The following DCBLD2 variants were observed in gnomAD, a reference collection of about 807,000 sequenced individuals.
DCBLD2 encodes discoidin, CUB and LCCL domain containing 2.
DCBLD2 carries 54 observed loss-of-function variants against 86.8 expected under a neutral mutation model. The observed-to-expected ratio is 0.62, with a 90% confidence interval of 0.50 to 0.78. The LOEUF (loss-of-function observed/expected upper bound fraction) is 0.78. DCBLD2 is among the 30% of genes least tolerant of loss of function. The pLI, the probability that DCBLD2 is intolerant of heterozygous loss-of-function variation, is 0.00. For synonymous variants in DCBLD2, 354 were observed against 341.3 expected, an observed-to-expected ratio of 1.04 and a Z score of -0.41; for missense variants, 908 against 954.2, an observed-to-expected ratio of 0.95 and a Z score of 0.64.
chr3:98,812,438 G>GT lies in DCBLD2; in HGVS notation c.1256dup (p.Asn419LysfsTer12). The GT allele has an allele frequency of 6.2e-7, 1 of 1,613,338 alleles. No individual in the cohort carries two copies. The highest frequency in any genetic ancestry group is 1.1e-5 in the South Asian group (1 of 91,064). On this transcript the variant is annotated frameshift_variant, in exon 10 of 16. Coordinates refer to ENST00000326840, the MANE Select transcript of DCBLD2 (RefSeq NM_080927.4). LOFTEE classifies it high-confidence loss of function. ...AACGTGCAATAATTGGTGGCAAAAA[G>GT]TTATTACGCACATCCTGGTGATAAT...
In DCBLD2 at chr3:98,801,610, C is replaced by A. The variant is rs1386523338; in HGVS notation, c.1710G>T (p.Trp570Cys). The A allele has an allele frequency of 1.9e-6, 3 of 1,609,608 alleles. No homozygotes were observed. In the South Asian group the frequency reaches 3.3e-5, roughly 18 times the overall value. The stretch of plus-strand genomic sequence containing the variant: ...GACCACGTGAGTTACCTGCCCGGTC[C>A]CAGTAAGGTAAGTCATAGGTGCCTT... ...KTEGTYDLPY[W>C]DRAGWWKGMK... The change falls in exon 14 of 16, where the codon TGG becomes TGT. Residue 570 changes from tryptophan (W) to cysteine (C), a missense_variant. Physicochemically the swap from Trp to Cys is radical, Grantham distance 215. Transcript: ENST00000326840.
At chr3:98,881,492 T>C (rs766622350) in intron 2 of DCBLD2, 48 bp downstream of exon 2, 29 of 1,502,070 alleles carry the variant, frequency 1.9e-5, no homozygotes, top group Middle Eastern at 2.3e-4. Flanking sequence ...AAATACATCA[T>C]TGAGACAATG....
At chr3:98,820,092 C>T (rs1036379918) in intron 7 of DCBLD2, among the ~76,000 whole-genome samples, 156 bp downstream of exon 7, 2 of 152,160 alleles carry the variant, frequency 1.3e-5, no homozygotes, top group African/African-American at 4.8e-5. Context: ...TTTCAATTTG[C>T]TCTATTCATT....
chr3:98,797,053 A>AAAAAAAAAAAAC lies in DCBLD2; in HGVS notation c.*2318_*2319insGTTTTTTTTTTT, dbSNP rs1559764171. On this transcript the variant is annotated 3_prime_UTR_variant, in exon 16 of 16. Coordinates refer to ENST00000326840, the MANE Select transcript of DCBLD2 (RefSeq NM_080927.4). ...AAATGTAGTAAAAAAAAAAAAAAAA[A>AAAAAAAAAAAAC]AAATAGAAAACCTCTACTATAAAAA... 2.7e-5 allele frequency: 4 copies of AAAAAAAAAAAAC among 145,570 alleles called. No individual in the cohort carries two copies. Among genetic ancestry groups the AAAAAAAAAAAAC allele is most frequent in the African/African-American group, 2.5e-5 (1 of 39,252 alleles). The allele number at this position is 145,570 out of a possible 1,614,324, so 9.0% of individuals were successfully genotyped here.
chr3:98,876,384 C>T (rs1943369215), intron 2 of DCBLD2, among the ~76,000 whole-genome samples: 3 of 32,584 alleles, frequency 9.2e-5, no homozygotes, highest in South Asian at 1.5e-3. Flanking sequence ...GACAGAAAAA[C>T]GGGCAAAAGA....
chr3:98,834,070 GC>G (rs1184374068), intron 3 of DCBLD2, among the ~76,000 whole-genome samples: 2 of 151,420 alleles, frequency 1.3e-5, no homozygotes, highest in Non-Finnish European at 2.9e-5. Flanking sequence ...GGCTCCTCTG[GC>G]CCTGTGTCGT....
chr3:98,838,764 ACT>A (rs1491213618), intron 3 of DCBLD2, among the ~76,000 whole-genome samples: 2 of 152,222 alleles, frequency 1.3e-5, no homozygotes, highest in East Asian at 1.9e-4. Context: ...ACCATTGAGC[ACT>A]GAGTGAACGA....
intron 2 of DCBLD2, among the ~76,000 whole-genome samples, chr3:98,859,253 G>C (rs1368888941): frequency 5.3e-5 from 8 of 152,140 alleles, no homozygotes; most frequent in African/African-American, 9.7e-5. Flanking sequence ...GGAGCCCAAC[G>C]CAGCTCAAGG....
intron 2 of DCBLD2, among the ~76,000 whole-genome samples, chr3:98,870,751 A>AAGAAAGAAAGAGAAAGAAAG (rs1462587075): frequency 7.7e-6 from 1 of 130,506 alleles, no homozygotes; most frequent in African/African-American, 3.1e-5. Context: ...GAAAGAAAGA[A>AAGAAAGAAAGAGAAAGAAAG]AGAAAGAAAG....
intron 3 of DCBLD2, among the ~76,000 whole-genome samples, chr3:98,833,648 G>T (rs1416108616): frequency 6.6e-6 from 1 of 152,224 alleles, no homozygotes; most frequent in Non-Finnish European, 1.5e-5. Context: ...AGGTCAGGCA[G>T]CCCTGTCCAG....
intron 2 of DCBLD2, among the ~76,000 whole-genome samples, chr3:98,858,829 T>C (rs1049705889): frequency 9.2e-5 from 14 of 152,178 alleles, no homozygotes; most frequent in African/African-American, 3.4e-4. Flanking sequence ...GGGTCCTCCG[T>C]TCCAAGATGG....
chr3:98,806,379 G>A (rs1180096357), intron 13 of DCBLD2, among the ~76,000 whole-genome samples: 3 of 152,020 alleles, frequency 2.0e-5, no homozygotes, highest in African/African-American at 7.2e-5. Flanking sequence ...TGCTGCTGCG[G>A]GCCTCATCAC....
intron 1 of DCBLD2, among the ~76,000 whole-genome samples, chr3:98,885,675 C>T (rs1370730335): frequency 2.6e-5 from 4 of 151,490 alleles, no homozygotes; most frequent in African/African-American, 7.3e-5. Context: ...AAGCCTATTC[C>T]ACCAAGATAC....
intron 3 of DCBLD2, among the ~76,000 whole-genome samples, chr3:98,833,518 G>A (rs1942363395): frequency 6.6e-6 from 1 of 152,204 alleles, no homozygotes; most frequent in African/African-American, 2.4e-5. Context: ...CTGGCCATTT[G>A]AATTGCTGAA....
At position 98,873,694 on chromosome 3, in the gene DCBLD2, T is replaced by C. The variant is rs544685048; in HGVS notation, c.433+7846A>G. Among the ~76,000 whole-genome samples the C allele has an allele frequency of 2.6e-5, 4 of 152,038 alleles. No individual in the cohort carries two copies. The South Asian group carries it at 8.3e-4, about 32-fold the overall frequency. ...TGAAAGAAAAAGTGAATTAAATGCC[T>C]AGCTAAAACTAGCAGTTAACAAAGT... On this transcript the variant is annotated intron_variant, in intron 2 of 15. Transcript: ENST00000326840.
intron 2 of DCBLD2, among the ~76,000 whole-genome samples, chr3:98,879,356 T>C (rs1338149720): frequency 6.6e-6 from 1 of 152,214 alleles, no homozygotes; most frequent in Non-Finnish European, 1.5e-5. Flanking sequence ...TTACCATCAC[T>C]GAATGCCCAA....
intron 3 of DCBLD2, among the ~76,000 whole-genome samples, chr3:98,848,868 A>G (rs936032080): frequency 5.9e-5 from 9 of 152,130 alleles, no homozygotes; most frequent in Non-Finnish European, 7.3e-5. Context: ...TAATTTATAA[A>G]TTTTAAAAAT....
intron 2 of DCBLD2, among the ~76,000 whole-genome samples, chr3:98,857,008 C>T (rs1268598235): frequency 1.3e-5 from 2 of 152,104 alleles, no homozygotes; most frequent in Non-Finnish European, 2.9e-5. Flanking sequence ...AGCCGCAGAC[C>T]CTCGCAGTGA....
intron 8 of DCBLD2, 122 bp from the exon 9 acceptor site, chr3:98,818,015 T>A: frequency 1.6e-6 from 2 of 1,230,654 alleles, no homozygotes; most frequent in Non-Finnish European, 2.2e-6. Flanking sequence ...CTCATTTCCA[T>A]ATCCAAGTGC....
Sources: allele counts gnomAD v4.1 joint callset (sites outside exome capture counted in the v4.1 genomes callset), GRCh38; gene constraint gnomAD v4.1.1; transcripts MANE v1.5; gene names NCBI Gene and HGNC (gene_info 2026-07-23, HGNC 2026-07-21).